Variants in MPPED1 observed in about 807,000 individuals in gnomAD.
MPPED1 encodes metallophosphoesterase domain-containing protein 1.
In MPPED1, 16 loss-of-function variants were observed where a neutral mutation model predicts 36.2. The ratio of observed to expected loss-of-function variants is 0.44; its 90% CI spans 0.30 to 0.67. The LOEUF (loss-of-function observed/expected upper bound fraction) is 0.67. Among genes scored for constraint, MPPED1 ranks in the 30% least tolerant of loss-of-function variants. The pLI, the probability that MPPED1 is intolerant of heterozygous loss-of-function variation, is 0.10. For missense variants in MPPED1, 307 were observed against 453.4 expected, an observed-to-expected ratio of 0.68 and a Z score of 2.93; for synonymous variants, 199 against 191.3, an observed-to-expected ratio of 1.04 and a Z score of -0.33.
chr22:43,414,966 T>G lies in MPPED1; in HGVS notation c.-79+2808T>G, dbSNP rs549672061. On this transcript the variant is annotated intron_variant, in intron 1 of 6. Transcript: ENST00000443721. ...TCCGATAAGAGGTAGGGGCCTTCCTTCTGGCCTGGGCGCCTCACCCTCTAG... is the reference window on the plus strand; with the variant it reads ...TCCGATAAGAGGTAGGGGCCTTCCTGCTGGCCTGGGCGCCTCACCCTCTAG... 2.6e-5 allele frequency among the ~76,000 whole-genome samples: 4 copies of G among 152,206 alleles called. No homozygotes were observed. The South Asian group carries it at 8.3e-4, about 32-fold the overall frequency.
chr22:43,505,953 C>G lies in MPPED1; in HGVS notation c.*337C>G, dbSNP rs75435621. 1.0e-3 allele frequency: 209 copies of G among 201,554 alleles called. No homozygotes were observed. Among genetic ancestry groups the G allele is most frequent in the African/African-American group, 4.5e-3 (192 of 42,888 alleles). The allele number at this position is 201,554 out of a possible 1,614,324, so 12.5% of individuals were successfully genotyped here. On this transcript the variant is annotated 3_prime_UTR_variant, in exon 7 of 7. Coordinates refer to ENST00000443721, the MANE Select transcript of MPPED1 (RefSeq NM_001044370.2). ...TTGGACGCCCTCCTGGTTTGGGAAG[C>G]TGCTGCTCTTGAATGGGTTTTGGAA...
chr22:43,447,859 T>TTATATATATATATATATATATA (rs1238294657), intron 3 of MPPED1, among the ~76,000 whole-genome samples: 24 of 62,510 alleles, frequency 3.8e-4, no homozygotes, highest in Admixed American at 8.0e-4. Flanking sequence ...TATGTAAATA[T>TTATATATATATATATATATATA]TATATATATA....
chr22:43,498,378 G>A, intron 5 of MPPED1, 28 bp downstream of exon 5: 1 of 1,518,208 alleles, frequency 6.6e-7, no homozygotes. Context: ...TGGCCCTCCA[G>A]CTCGCCCATC....
Position 43,440,091 on chromosome 22 carries a change from G to T in MPPED1, c.406+4876G>T, listed in dbSNP as rs367757028. Reference sequence around the variant, plus strand: ...CAGCCAGCGGAGCCCTGGACAGAGAGGAATGTGCAGCCGTGAGTGGCATGC... The same window carrying T: ...CAGCCAGCGGAGCCCTGGACAGAGATGAATGTGCAGCCGTGAGTGGCATGC... On this transcript the variant is annotated intron_variant, in intron 3 of 6. Coordinates refer to ENST00000443721, the MANE Select transcript of MPPED1 (RefSeq NM_001044370.2). 2.0e-5 allele frequency among the ~76,000 whole-genome samples: 3 copies of T among 152,262 alleles called. No individual in the cohort carries two copies. The East Asian group carries it at 5.8e-4, about 29-fold the overall frequency.
In MPPED1 at chr22:43,466,741, C is replaced by G. The variant is rs937042486; in HGVS notation, c.407-7995C>G. Among the ~76,000 whole-genome samples, 4 of 152,182 alleles carry G rather than the reference C, an allele frequency of 2.6e-5. No homozygotes were observed. The East Asian group carries it at 7.7e-4, about 29-fold the overall frequency. On this transcript the variant is annotated intron_variant, in intron 3 of 6. Coordinates refer to ENST00000443721, the MANE Select transcript of MPPED1 (RefSeq NM_001044370.2). ...CAGTGCCAGACAGTTAGGGACAGCC[C>G]TCATGTCCTAGAACCTGCCAGAATT...
intron 3 of MPPED1, among the ~76,000 whole-genome samples, chr22:43,447,880 T>TAA (rs1569073387): frequency 1.7e-4 from 6 of 34,406 alleles, no homozygotes; most frequent in African/African-American, 9.3e-4. Flanking sequence ...TATATATATA[T>TAA]ATATTTTTTT....
intron 2 of MPPED1, 38 bp downstream of exon 2, chr22:43,425,247 C>A: frequency 1.1e-6 from 1 of 888,766 alleles, no homozygotes; most frequent in Non-Finnish European, 1.7e-6. Flanking sequence ...GGGGCGGTGA[C>A]GGCCCCCTGG....
At chr22:43,504,457 C>T (rs1932773644) in intron 6 of MPPED1, among the ~76,000 whole-genome samples, 2 of 151,610 alleles carry the variant, frequency 1.3e-5, no homozygotes, top group East Asian at 1.9e-4. Context: ...TTGGTGATGA[C>T]ACCATTCTTG....
At chr22:43,447,751 C>CAGG (rs1304933720) in intron 3 of MPPED1, among the ~76,000 whole-genome samples, 3 of 149,426 alleles carry the variant, frequency 2.0e-5, no homozygotes, top group Admixed American at 6.7e-5. Flanking sequence ...AATGAGCTCC[C>CAGG]AGGGTATGCC....
intron 5 of MPPED1, among the ~76,000 whole-genome samples, chr22:43,501,770 C>T (rs1932742034): frequency 6.6e-6 from 1 of 152,144 alleles, no homozygotes; most frequent in Non-Finnish European, 1.5e-5. Context: ...TGTCTGCCCC[C>T]AGCCTGTGCC....
Position 43,435,151 on chromosome 22 carries a change from C to T in MPPED1, c.342C>T (p.Ile114=), listed in dbSNP as rs374388247. 1.2e-6 allele frequency: 2 copies of T among 1,613,550 alleles called. No homozygotes were observed. Among genetic ancestry groups the T allele is most frequent in the Non-Finnish European group, 1.7e-6 (2 of 1,179,896 alleles). The change falls in exon 3 of 7, where the codon ATC becomes ATT. Residue 114 remains isoleucine, a synonymous_variant. Transcript: ENST00000443721. ...PIQMPYGDVL[I]HAGDFTELGL... The stretch of plus-strand genomic sequence containing the variant: ...AGATGCCGTACGGCGACGTGCTGAT[C>T]CACGCTGGGGACTTCACTGAGCTGG...
At position 43,433,011 on chromosome 22, in the gene MPPED1, G is replaced by A. The variant is rs576039505; in HGVS notation, c.225-2023G>A. ...TTGATTGGCTCACTTGAATTCCTGT[G>A]CCAGGCCAGTAGCCCAGTAGCAATT... On this transcript the variant is annotated intron_variant, in intron 2 of 6. Transcript: ENST00000443721. 4.6e-5 allele frequency among the ~76,000 whole-genome samples: 7 copies of A among 152,188 alleles called. No individual in the cohort carries two copies. In the South Asian group the frequency reaches 6.2e-4, roughly 14 times the overall value.
Position 43,505,643 on chromosome 22 carries a change from C to A in MPPED1, c.*27C>A, listed in dbSNP as rs779876890. Reference sequence around the variant, plus strand: ...TGCTCCCCACTGCCCCTGCCCTGCCCGCCCGTGTCAGCTCCACAGGCCTGG... The same window carrying A: ...TGCTCCCCACTGCCCCTGCCCTGCCAGCCCGTGTCAGCTCCACAGGCCTGG... On this transcript the variant is annotated 3_prime_UTR_variant, in exon 7 of 7. Transcript: ENST00000443721. 25 of 1,571,654 alleles carry A rather than the reference C, an allele frequency of 1.6e-5. No individual in the cohort carries two copies. In the East Asian group the frequency reaches 5.1e-4, roughly 32 times the overall value.
chr22:43,439,198 G>C (rs1006526426), intron 3 of MPPED1, among the ~76,000 whole-genome samples: 6 of 152,180 alleles, frequency 3.9e-5, no homozygotes, highest in Non-Finnish European at 8.8e-5. Flanking sequence ...GCTTCTAGCT[G>C]GGTCTGCGTT....
chr22:43,440,226 G>A, intron 3 of MPPED1, among the ~76,000 whole-genome samples: 1 of 152,248 alleles, frequency 6.6e-6, no homozygotes. Context: ...GCTTCAAGGA[G>A]GGCAGCGCTG....
intron 3 of MPPED1, among the ~76,000 whole-genome samples, chr22:43,440,293 G>T (rs1197853536): frequency 1.3e-5 from 2 of 152,258 alleles, no homozygotes; most frequent in Admixed American, 6.5e-5. Flanking sequence ...GAAGTGATCT[G>T]AGAAGACTCA....
chr22:43,490,994 C>T (rs1932064742), intron 4 of MPPED1, among the ~76,000 whole-genome samples: 1 of 119,694 alleles, frequency 8.4e-6, no homozygotes, highest in Admixed American at 8.4e-5. Context: ...AAGCATTTTA[C>T]TCTGTGACTC....
intron 4 of MPPED1, among the ~76,000 whole-genome samples, chr22:43,497,935 G>GTGTA (rs1555904573): frequency 1.6e-5 from 2 of 128,362 alleles, no homozygotes; most frequent in African/African-American, 6.9e-5. Context: ...ATATGTATAT[G>GTGTA]TATATATATA....
intron 4 of MPPED1, among the ~76,000 whole-genome samples, chr22:43,485,240 T>A (rs965223687): frequency 6.6e-6 from 1 of 151,380 alleles, no homozygotes; most frequent in Non-Finnish European, 1.5e-5. Flanking sequence ...TTCCACACAC[T>A]CATACACACA....
Sources: gnomAD v4.1 joint callset for allele counts (sites outside exome capture counted in the v4.1 genomes callset) on GRCh38, gnomAD v4.1.1 for gene constraint, MANE v1.5 for transcripts, NCBI Gene and HGNC (gene_info 2026-07-23, HGNC 2026-07-21) for gene names.